The following PAK2 variants were observed in gnomAD, a reference collection of about 807,000 sequenced individuals.
PAK2 encodes the protein p21 (RAC1) activated kinase 2.
Under a neutral mutation model 65.9 loss-of-function variants are expected in PAK2, and 21 were observed. The ratio of observed to expected loss-of-function variants is 0.32; its 90% CI spans 0.23 to 0.46. The LOEUF (loss-of-function observed/expected upper bound fraction) is 0.46, where lower values mean the gene tolerates loss of function less well. Ranked by LOEUF, PAK2 falls within the 20% of genes least tolerant of loss-of-function variation. PAK2 has a pLI of 1.00. For missense variants in PAK2, 324 were observed against 642.6 expected (o/e 0.50, Z 5.36); for synonymous variants, 204 against 219.7 (o/e 0.93, Z 0.63).
intron 2 of PAK2, 27 bp from the exon 3 acceptor site, chr3:196,801,896 ATTCT>A (rs1431457900): frequency 1.8e-6 from 2 of 1,122,160 alleles, no homozygotes; most frequent in South Asian, 2.5e-5. Context: ...AAATAGGCTG[ATTCT>A]TTCTCTTTTT....
chr3:196,811,830 T>C (rs1715837391), intron 8 of PAK2, among the ~76,000 whole-genome samples: 1 of 152,012 alleles, frequency 6.6e-6, no homozygotes, highest in South Asian at 2.1e-4. Flanking sequence ...GAACACCAAA[T>C]ACAGGATAAA....
At chr3:196,817,386 T>C (rs1711513741) in intron 11 of PAK2, among the ~76,000 whole-genome samples, 1 of 152,002 alleles carries the variant, frequency 6.6e-6, no homozygotes, top group African/African-American at 2.4e-5. Context: ...AGTCTTGCTC[T>C]GTCACCCAGG....
chr3:196,773,394 C>T (rs143524566), intron 1 of PAK2, among the ~76,000 whole-genome samples: 1 of 152,240 alleles, frequency 6.6e-6, no homozygotes, highest in East Asian at 1.9e-4. Context: ...AACCTTATCA[C>T]AGTCTCATTT....
At chr3:196,771,561 CTTTTTCTGTTTT>C (rs1273964165) in intron 1 of PAK2, among the ~76,000 whole-genome samples, 2 of 150,502 alleles carry the variant, frequency 1.3e-5, no homozygotes, top group African/African-American at 5.0e-5. Flanking sequence ...TTCATATTTT[CTTTTTCTGTTTT>C]TTTTGAGACA....
intron 7 of PAK2, 155 bp downstream of exon 7, chr3:196,808,069 G>A (rs1715643634): frequency 1.6e-6 from 1 of 637,904 alleles, no homozygotes; most frequent in African/African-American, 1.9e-5. Flanking sequence ...ACAATCTGGT[G>A]ATGTCACCAG....
rs73072783 is a variant in PAK2, at chr3:196,749,900, C to T, written c.-22+9743C>T. Among the ~76,000 whole-genome samples the T allele has an allele frequency of 4.2e-3, 643 of 152,050 alleles. 5 individuals carry two copies. Among genetic ancestry groups the T allele is most frequent in the African/African-American group, 0.015 (611 of 41,462 alleles). ...GTAGTGGCACGATGAGAACTCACTG[C>T]AGCCTCGAGCTCCTAGGCTGAAGCG... On this transcript the variant is annotated intron_variant, in intron 1 of 14. Transcript: ENST00000327134.
intron 2 of PAK2, among the ~76,000 whole-genome samples, chr3:196,795,781 C>T (rs1715240187): frequency 6.6e-6 from 1 of 152,124 alleles, no homozygotes; most frequent in South Asian, 2.1e-4. Context: ...TTAAACTAAG[C>T]CCTTCAGGCA....
intron 7 of PAK2, among the ~76,000 whole-genome samples, chr3:196,808,821 A>T (rs535325955): frequency 1.3e-5 from 2 of 152,316 alleles, no homozygotes; most frequent in South Asian, 4.1e-4. Context: ...AGATCGTGCC[A>T]CTGCACTCCA....
At chr3:196,741,640 A>C (rs578100439) in intron 1 of PAK2, among the ~76,000 whole-genome samples, 1 of 152,170 alleles carries the variant, frequency 6.6e-6, no homozygotes, top group Non-Finnish European at 1.5e-5. Flanking sequence ...TTGTGTTTTC[A>C]CTAAGTAGCC....
chr3:196,815,517 A>C (rs116672539), intron 11 of PAK2, among the ~76,000 whole-genome samples: 9 of 149,444 alleles, frequency 6.0e-5, no homozygotes, highest in Admixed American at 5.3e-4. Flanking sequence ...GGCTGGGTAC[A>C]GTGTCTCTCG....
intron 2 of PAK2, among the ~76,000 whole-genome samples, chr3:196,790,833 G>A (rs1189234347): frequency 2.0e-5 from 3 of 152,184 alleles, no homozygotes; most frequent in African/African-American, 7.2e-5. Flanking sequence ...AATTCACCTG[G>A]TCGCCCCCAC....
At chr3:196,748,284 C>G (rs1713457967) in intron 1 of PAK2, among the ~76,000 whole-genome samples, 2 of 152,174 alleles carry the variant, frequency 1.3e-5, no homozygotes, top group African/African-American at 4.8e-5. Context: ...CATCAACATC[C>G]TGCATCACTG....
intron 6 of PAK2, among the ~76,000 whole-genome samples, chr3:196,807,011 A>C (rs1301240429): frequency 6.6e-6 from 1 of 152,106 alleles, no homozygotes; most frequent in Non-Finnish European, 1.5e-5. Context: ...TAAATCTAAA[A>C]CTTAGAGCTT....
intron 8 of PAK2, among the ~76,000 whole-genome samples, chr3:196,811,346 CTTCCT>C: frequency 7.4e-6 from 1 of 136,012 alleles, no homozygotes. Flanking sequence ...CCTTCCCTCC[CTTCCT>C]TCCCTCCCTT....
chr3:196,812,357 CTT>C, intron 9 of PAK2, 90 bp downstream of exon 9: 1 of 814,142 alleles, frequency 1.2e-6, no homozygotes, highest in Non-Finnish European at 2.2e-6. Context: ...ATAGGAACCT[CTT>C]TTAAGTTGAG....
At chr3:196,796,778 C>T (rs1172491201) in intron 2 of PAK2, among the ~76,000 whole-genome samples, 1 of 152,148 alleles carries the variant, frequency 6.6e-6, no homozygotes, top group Non-Finnish European at 1.5e-5. Context: ...GAAACCTGGA[C>T]TGGCTGTATA....
intron 5 of PAK2, among the ~76,000 whole-genome samples, chr3:196,806,024 G>A (rs889724245): frequency 6.6e-6 from 1 of 151,790 alleles, no homozygotes; most frequent in Admixed American, 6.6e-5. Flanking sequence ...CCATTCTCCT[G>A]CCTCAGCCTC....
At chr3:196,754,151 GTT>G (rs1713697004) in intron 1 of PAK2, among the ~76,000 whole-genome samples, 3 of 151,954 alleles carry the variant, frequency 2.0e-5, no homozygotes, top group African/African-American at 7.2e-5. Context: ...TCTCATCCTG[GTT>G]TCTTCTCTCC....
chr3:196,819,464 T>G (rs2108772235), intron 12 of PAK2, among the ~76,000 whole-genome samples: 1 of 152,252 alleles, frequency 6.6e-6, no homozygotes, highest in Non-Finnish European at 1.5e-5. Flanking sequence ...ATAAAAAATT[T>G]TTTAAATAGG....
Sources: gnomAD v4.1 joint callset for allele counts (sites outside exome capture counted in the v4.1 genomes callset) on GRCh38, gnomAD v4.1.1 for gene constraint, MANE v1.5 for transcripts, NCBI Gene and HGNC (gene_info 2026-07-23, HGNC 2026-07-21) for gene names.